Variants in GRIK4 observed in about 807,000 individuals in gnomAD.
The protein encoded by GRIK4 is glutamate receptor ionotropic, kainate 4.
In GRIK4, 40 loss-of-function variants were observed where a neutral mutation model predicts 104.9. The ratio of observed to expected loss-of-function variants is 0.38; its 90% CI spans 0.30 to 0.50. The LOEUF is 0.50. Among genes scored for constraint, GRIK4 ranks in the 20% least tolerant of loss-of-function variants. GRIK4 has a pLI of 0.93. For missense variants in GRIK4, 1,047 were observed against 1,308.1 expected, an observed-to-expected ratio of 0.80 and a Z score of 3.08; for synonymous variants, 485 against 524.9, an observed-to-expected ratio of 0.92 and a Z score of 1.04.
intron 1 of GRIK4, among the ~76,000 whole-genome samples, chr11:120,541,058 A>G (rs993781543): frequency 2.6e-5 from 4 of 152,244 alleles, no homozygotes; most frequent in Non-Finnish European, 4.4e-5. Flanking sequence ...TTTTTACCAC[A>G]TACTGCCCTG....
At chr11:120,645,892 G>T (rs548481887) in intron 1 of GRIK4, among the ~76,000 whole-genome samples, 35 of 152,326 alleles carry the variant, frequency 2.3e-4, no homozygotes, top group African/African-American at 8.4e-4. Flanking sequence ...CCCTCCTGCC[G>T]GGTTTTGTTG....
intron 14 of GRIK4, among the ~76,000 whole-genome samples, chr11:120,943,153 CCCCTGA>C (rs1464252856): frequency 1.1e-5 from 1 of 89,310 alleles, no homozygotes; most frequent in Non-Finnish European, 2.0e-5. Flanking sequence ...CACACACACC[CCCCTGA>C]CTGTTTGGTG....
At position 120,671,484 on chromosome 11, in the gene GRIK4, A is replaced by T. The variant is rs138137111; in HGVS notation, c.82+11084A>T. ...TGGATTTCTGTAATGGCCAGTGATG[A>T]TGAGCTTTTTTTCATATGTTTGTTG... On this transcript the variant is annotated intron_variant, in intron 3 of 20. Coordinates refer to ENST00000527524, the MANE Select transcript of GRIK4 (RefSeq NM_014619.5). Among the ~76,000 whole-genome samples, 727 of 148,506 alleles carry T rather than the reference A, an allele frequency of 4.9e-3. 7 individuals carry two copies. The highest frequency in any genetic ancestry group is 0.017 in the African/African-American group (669 of 39,674).
intron 11 of GRIK4, among the ~76,000 whole-genome samples, chr11:120,888,933 C>A (rs1296149598): frequency 3.9e-5 from 6 of 152,172 alleles, no homozygotes; most frequent in Non-Finnish European, 4.4e-5. Flanking sequence ...TAATAAAGCC[C>A]AGTTAGAGTT....
At chr11:120,893,232 G>C (rs181135095) in intron 11 of GRIK4, among the ~76,000 whole-genome samples, 4 of 152,194 alleles carry the variant, frequency 2.6e-5, no homozygotes, top group African/African-American at 9.7e-5. Flanking sequence ...TAATGCCTCA[G>C]GAGCAAGATC....
intron 1 of GRIK4, among the ~76,000 whole-genome samples, chr11:120,609,502 C>T (rs1949004881): frequency 6.9e-6 from 1 of 144,820 alleles, no homozygotes; most frequent in African/African-American, 2.6e-5. Context: ...CCTTTTCCCC[C>T]ATCTTTGCAG....
At chr11:120,875,886 G>A (rs1480821167) in intron 11 of GRIK4, among the ~76,000 whole-genome samples, 2 of 152,202 alleles carry the variant, frequency 1.3e-5, no homozygotes, top group Middle Eastern at 3.4e-3. Flanking sequence ...CTTTTGAAGT[G>A]TCTCTTGAAG....
intron 3 of GRIK4, among the ~76,000 whole-genome samples, chr11:120,681,546 T>G (rs1178608337): frequency 6.6e-6 from 1 of 152,198 alleles, no homozygotes; most frequent in Non-Finnish European, 1.5e-5. Context: ...TATCCCCTGG[T>G]TAAGTGCCAA....
Position 120,874,113 on chromosome 11 carries a change from G to C in GRIK4, c.954G>C (p.Ala318=). Residue 318 remains alanine, a synonymous_variant, in exon 10 of 21, where the codon GCG becomes GCC. Transcript: ENST00000527524. ...LFDAVYAVVT[A]VQELNRSQEI... ...ATGCTGTCTATGCTGTGGTGACTGCGGTGCAGGAACTGAACCGGAGCCAAG... is the reference window on the plus strand; with the variant it reads ...ATGCTGTCTATGCTGTGGTGACTGCCGTGCAGGAACTGAACCGGAGCCAAG... 6.2e-7 allele frequency: 1 copy of C among 1,613,838 alleles called. No homozygotes were observed. Among genetic ancestry groups the C allele is most frequent in the Non-Finnish European group, 8.5e-7 (1 of 1,179,826 alleles).
At chr11:120,594,482 A>G (rs1318564224) in intron 1 of GRIK4, among the ~76,000 whole-genome samples, 2 of 152,182 alleles carry the variant, frequency 1.3e-5, no homozygotes, top group Non-Finnish European at 2.9e-5. Flanking sequence ...GTCTAAATAA[A>G]TAAATAATAA....
intron 1 of GRIK4, among the ~76,000 whole-genome samples, chr11:120,559,178 C>G (rs1948215436): frequency 6.6e-6 from 1 of 152,176 alleles, no homozygotes; most frequent in South Asian, 2.1e-4. Context: ...TACTAGGTGG[C>G]AATTCTGCCC....
intron 3 of GRIK4, among the ~76,000 whole-genome samples, chr11:120,673,236 A>C (rs1017899012): frequency 6.6e-6 from 1 of 152,214 alleles, no homozygotes; most frequent in East Asian, 1.9e-4. Context: ...CTTAAGACTG[A>C]GTGCATGGTG....
intron 1 of GRIK4, among the ~76,000 whole-genome samples, chr11:120,629,185 C>CA (rs1949301416): frequency 6.6e-6 from 1 of 152,106 alleles, no homozygotes; most frequent in Non-Finnish European, 1.5e-5. Flanking sequence ...TGGAGGGAAG[C>CA]ATAATTGAGA....
At chr11:120,833,838 T>C (rs1953500600) in intron 7 of GRIK4, among the ~76,000 whole-genome samples, 1 of 152,216 alleles carries the variant, frequency 6.6e-6, no homozygotes, top group Non-Finnish European at 1.5e-5. Context: ...GCACAAACTT[T>C]TCTGTAAGCG....
chr11:120,566,661 G>A (rs1948327608), intron 1 of GRIK4, among the ~76,000 whole-genome samples: 1 of 151,864 alleles, frequency 6.6e-6, no homozygotes, highest in Admixed American at 6.6e-5. Context: ...AAGAGGGAGA[G>A]TCTAGGGACA....
At chr11:120,834,376 GCTGT>G (rs2135569639) in intron 7 of GRIK4, among the ~76,000 whole-genome samples, 1 of 151,964 alleles carries the variant, frequency 6.6e-6, no homozygotes, top group South Asian at 2.1e-4. Context: ...ATGCCTCAGG[GCTGT>G]CTTTCCTGAG....
At chr11:120,945,974 G>T (rs1943848958) in intron 14 of GRIK4, among the ~76,000 whole-genome samples, 1 of 152,170 alleles carries the variant, frequency 6.6e-6, no homozygotes, top group African/African-American at 2.4e-5. Flanking sequence ...CAAGACTCTT[G>T]GTTTCCCTGG....
intron 3 of GRIK4, among the ~76,000 whole-genome samples, chr11:120,718,243 C>T (rs948136817): frequency 1.2e-4 from 19 of 152,190 alleles, no homozygotes; most frequent in Middle Eastern, 3.4e-3. Flanking sequence ...CATCAGGGAC[C>T]TCCCAGCCAC....
At chr11:120,527,731 A>G (rs1158671080) in intron 1 of GRIK4, among the ~76,000 whole-genome samples, 1 of 152,186 alleles carries the variant, frequency 6.6e-6, no homozygotes, top group African/African-American at 2.4e-5. Flanking sequence ...TTGTGCTTGC[A>G]TTTATATGCA....
Sources: gnomAD v4.1 joint callset for allele counts (sites outside exome capture counted in the v4.1 genomes callset) on GRCh38, gnomAD v4.1.1 for gene constraint, MANE v1.5 for transcripts, NCBI Gene and HGNC (gene_info 2026-07-23, HGNC 2026-07-21) for gene names.